The following PRKN variants were observed in gnomAD, a reference collection of about 807,000 sequenced individuals.
PRKN encodes parkin RBR E3 ubiquitin protein ligase.
Under a neutral mutation model 59.5 loss-of-function variants are expected in PRKN, and 56 were observed. That is an observed-to-expected ratio of 0.94 (90% confidence interval 0.76 to 1.18). The LOEUF is 1.18. PRKN is among the 50% of genes most tolerant of loss of function. PRKN has a pLI of 0.00. For synonymous variants in PRKN, 250 were observed against 222.1 expected (o/e 1.13, Z -1.12); for missense variants, 657 against 596.4 (o/e 1.10, Z -1.06).
At chr6:162,472,410 T>C (rs528821449) in intron 1 of PRKN, among the ~76,000 whole-genome samples, 3 of 141,312 alleles carry the variant, frequency 2.1e-5, no homozygotes, top group Admixed American at 7.8e-5. Flanking sequence ...AGTGTTCTCA[T>C]TGTTCAATTC....
At chr6:161,887,300 A>G (rs1313689962) in intron 6 of PRKN, among the ~76,000 whole-genome samples, 1 of 152,206 alleles carries the variant, frequency 6.6e-6, no homozygotes, top group Non-Finnish European at 1.5e-5. Flanking sequence ...ATGACTTACA[A>G]AAAAGATGCT....
At position 161,498,248 on chromosome 6, in the gene PRKN, A is replaced by G. The variant is rs749175982; in HGVS notation, c.1083+50606T>C. ...AGGCTGCAAATCAGTATCATGTTAT[A>G]GAGTGTATTAATTAATAAATGGAAT... On this transcript the variant is annotated intron_variant, in intron 9 of 11. Coordinates refer to ENST00000366898, the MANE Select transcript of PRKN (RefSeq NM_004562.3). The surrounding 1 kb of genome is among the most constrained non-coding windows in gnomAD (Gnocchi z 4.2). Among the ~76,000 whole-genome samples, 8 of 152,190 alleles carry G rather than the reference A, an allele frequency of 5.3e-5. No individual in the cohort carries two copies. The highest frequency in any genetic ancestry group is 1.0e-4 in the Non-Finnish European group (7 of 68,038).
At chr6:161,752,316 C>T (rs1278899495) in intron 7 of PRKN, among the ~76,000 whole-genome samples, 1 of 151,698 alleles carries the variant, frequency 6.6e-6, no homozygotes, top group Non-Finnish European at 1.5e-5. Context: ...TGCAGTGAGC[C>T]GAGATCGCGC....
intron 1 of PRKN, among the ~76,000 whole-genome samples, chr6:162,578,735 T>C (rs1258072598): frequency 6.6e-6 from 1 of 152,232 alleles, no homozygotes; most frequent in Non-Finnish European, 1.5e-5. Context: ...ACACATAGTA[T>C]ATTTTAAGGG....
chr6:162,265,820 C>T lies in PRKN; in HGVS notation c.172-3055G>A, dbSNP rs180867111. On this transcript the variant is annotated intron_variant, in intron 2 of 11. Transcript: ENST00000366898. ...CCCGCAGCTGAAGCCAGCCTGAGGC[C>T]GCGGGCACCCTCGCTGACCTGTAGG... Among the ~76,000 whole-genome samples the T allele has an allele frequency of 3.8e-3, 584 of 152,252 alleles. 4 individuals carry two copies. The highest frequency in any genetic ancestry group is 6.8e-3 in the South Asian group (33 of 4,820).
At chr6:162,364,037 A>G (rs1785290275) in intron 2 of PRKN, among the ~76,000 whole-genome samples, 1 of 152,338 alleles carries the variant, frequency 6.6e-6, no homozygotes, top group African/African-American at 2.4e-5. Flanking sequence ...TGCACTGCTG[A>G]GCACTGTGTA....
intron 3 of PRKN, among the ~76,000 whole-genome samples, chr6:162,231,097 G>A (rs1778403053): frequency 6.6e-6 from 1 of 152,086 alleles, no homozygotes; most frequent in Non-Finnish European, 1.5e-5. Context: ...GGAAACCTCA[G>A]ATAAATATGC....
intron 4 of PRKN, among the ~76,000 whole-genome samples, chr6:162,099,304 G>C (rs1266712627): frequency 6.6e-6 from 1 of 152,080 alleles, no homozygotes; most frequent in Non-Finnish European, 1.5e-5. Context: ...TTTAAAAGTA[G>C]GGTTTTTTCC....
At chr6:162,629,394 T>C (rs1196297574) in intron 1 of PRKN, among the ~76,000 whole-genome samples, 5 of 152,108 alleles carry the variant, frequency 3.3e-5, no homozygotes, top group Non-Finnish European at 7.4e-5. Context: ...TATATATTAT[T>C]AACTGTAGCA....
At chr6:162,522,060 T>C (rs1438389842) in intron 1 of PRKN, among the ~76,000 whole-genome samples, 5 of 152,238 alleles carry the variant, frequency 3.3e-5, no homozygotes, top group Admixed American at 6.5e-5. Flanking sequence ...AACCTGATAG[T>C]TTTCTTTGAG....
In PRKN at chr6:162,405,857, T is replaced by C. The variant is rs902999400; in HGVS notation, c.171+37453A>G. Among the ~76,000 whole-genome samples, 3 of 152,108 alleles carry C rather than the reference T, an allele frequency of 2.0e-5. No individual in the cohort carries two copies. The East Asian group carries it at 5.8e-4, about 29-fold the overall frequency. ...CCCGAGTGATCTCAGAGTTCTAGAC[T>C]CCAGACCTGGGAGAACATATAAACC... is the stretch of plus-strand genomic sequence containing the variant. On this transcript the variant is annotated intron_variant, in intron 2 of 11. Transcript: ENST00000366898.
intron 1 of PRKN, among the ~76,000 whole-genome samples, chr6:162,459,115 T>C (rs1200774985): frequency 6.6e-6 from 1 of 152,136 alleles, no homozygotes; most frequent in African/African-American, 2.4e-5. Context: ...CCACCGTGCC[T>C]GGCCAGAAAT....
At chr6:162,373,509 A>G (rs1405997122) in intron 2 of PRKN, among the ~76,000 whole-genome samples, 2 of 152,028 alleles carry the variant, frequency 1.3e-5, no homozygotes, top group Admixed American at 1.3e-4. Context: ...TTTTTTTCTT[A>G]ATTTCATAAC....
At chr6:162,136,603 T>C (rs915376862) in intron 4 of PRKN, among the ~76,000 whole-genome samples, 4 of 152,242 alleles carry the variant, frequency 2.6e-5, no homozygotes, top group Admixed American at 6.5e-5. Context: ...AAATGGGGTC[T>C]ATGCCTCCTT....
chr6:161,992,701 C>G (rs1315251327), intron 5 of PRKN, among the ~76,000 whole-genome samples: 1 of 152,108 alleles, frequency 6.6e-6, no homozygotes, highest in Non-Finnish European at 1.5e-5. Flanking sequence ...TATATTAGGA[C>G]ATAAAAGAAG....
At chr6:161,950,304 G>A (rs1232686585) in intron 6 of PRKN, among the ~76,000 whole-genome samples, 1 of 152,120 alleles carries the variant, frequency 6.6e-6, no homozygotes, top group Non-Finnish European at 1.5e-5. Flanking sequence ...CAGCACTTTG[G>A]GAGGCCGAGG....
intron 1 of PRKN, among the ~76,000 whole-genome samples, chr6:162,561,677 T>C (rs1779852493): frequency 6.6e-6 from 1 of 152,210 alleles, no homozygotes; most frequent in South Asian, 2.1e-4. Context: ...ACAGCAATTG[T>C]GAGGCATTAA....
chr6:162,362,782 A>T (rs1429960880), intron 2 of PRKN, among the ~76,000 whole-genome samples: 2 of 152,058 alleles, frequency 1.3e-5, no homozygotes, highest in Non-Finnish European at 2.9e-5. Context: ...CCAGAAAAAA[A>T]CTTTATTTCA....
At chr6:162,225,131 G>A (rs1226569154) in intron 3 of PRKN, among the ~76,000 whole-genome samples, 1 of 152,176 alleles carries the variant, frequency 6.6e-6, no homozygotes, top group East Asian at 1.9e-4. Context: ...CGTGGTGAGA[G>A]CACATCTATG....
Sources: gnomAD v4.1 joint callset for allele counts (sites outside exome capture counted in the v4.1 genomes callset) on GRCh38, gnomAD v4.1.1 for gene constraint, Gnocchi (gnomAD v3.1) non-coding constraint, MANE v1.5 for transcripts, NCBI Gene and HGNC (gene_info 2026-07-23, HGNC 2026-07-21) for gene names.